The following RYR3 variants were observed in gnomAD, a reference collection of about 807,000 sequenced individuals.
The protein encoded by RYR3 is brain ryanodine receptor-calcium release channel.
Under a neutral mutation model 584.3 loss-of-function variants are expected in RYR3, and 207 were observed. The ratio of observed to expected loss-of-function variants is 0.35; its 90% CI spans 0.32 to 0.40. The LOEUF is 0.40. Among genes scored for constraint, RYR3 ranks in the 10% least tolerant of loss-of-function variants. The probability of loss-of-function intolerance (pLI) is 1.00; values close to 1 mark genes in which losing one functional copy is unlikely to be tolerated. For synonymous variants in RYR3, 2,416 were observed against 2,248.5 expected (o/e 1.07, Z -2.11); for missense variants, 5,616 against 6,089.2 (o/e 0.92, Z 2.59).
In RYR3 at chr15:33,413,584, G is replaced by A. The variant is rs529844809; in HGVS notation, c.52-59835G>A. Among the ~76,000 whole-genome samples the A allele has an allele frequency of 2.0e-5, 3 of 152,260 alleles. No homozygotes were observed. The South Asian group carries it at 6.2e-4, about 32-fold the overall frequency. ...TCATCTTCATGAAAAGAGATATGTG[G>A]TCTGCAGACTGACTTCTGATCTAGG... On this transcript the variant is annotated intron_variant, in intron 1 of 103. Coordinates refer to ENST00000634891, the MANE Select transcript of RYR3 (RefSeq NM_001036.6).
intron 73 of RYR3, 50 bp downstream of exon 73, chr15:33,813,044 A>G (rs766866481): frequency 1.2e-6 from 2 of 1,608,282 alleles, no homozygotes; most frequent in Admixed American, 3.4e-5. Flanking sequence ...ACCCTGGACC[A>G]TACAAAGCTC....
chr15:33,661,771 A>G (rs1185127404), intron 34 of RYR3, among the ~76,000 whole-genome samples: 1 of 152,220 alleles, frequency 6.6e-6, no homozygotes, highest in Non-Finnish European at 1.5e-5. Context: ...AGCATAATCT[A>G]CATTTTCTGA....
chr15:33,533,473 C>T, intron 5 of RYR3, 84 bp downstream of exon 5: 1 of 935,224 alleles, frequency 1.1e-6, no homozygotes, highest in East Asian at 2.7e-5. Flanking sequence ...ATGCGTTACT[C>T]ATTTGGGATT....
intron 67 of RYR3, among the ~76,000 whole-genome samples, chr15:33,796,197 C>T (rs981607576): frequency 9.2e-5 from 14 of 152,034 alleles, no homozygotes; most frequent in Admixed American, 3.9e-4. Flanking sequence ...TGCAGTGGCG[C>T]GATCTCTGCT....
chr15:33,684,251 C>T (rs1420144154), intron 38 of RYR3, among the ~76,000 whole-genome samples: 1 of 152,168 alleles, frequency 6.6e-6, no homozygotes, highest in Non-Finnish European at 1.5e-5. Flanking sequence ...ACACACACCT[C>T]ATATAGGCAG....
intron 51 of RYR3, among the ~76,000 whole-genome samples, chr15:33,740,466 A>G (rs2069971600): frequency 6.6e-6 from 1 of 152,158 alleles, no homozygotes; most frequent in Non-Finnish European, 1.5e-5. Context: ...GAAAAGCTGG[A>G]CCTGCTCTTT....
intron 38 of RYR3, among the ~76,000 whole-genome samples, chr15:33,685,454 T>C (rs574922737): frequency 6.6e-6 from 1 of 152,126 alleles, no homozygotes. Flanking sequence ...AGCAAGTCCT[T>C]AGAGACCTAC....
At chr15:33,795,675 T>G (rs2075569977) in intron 67 of RYR3, among the ~76,000 whole-genome samples, 1 of 152,084 alleles carries the variant, frequency 6.6e-6, no homozygotes, top group Non-Finnish European at 1.5e-5. Context: ...ATTACAGGTA[T>G]GCACCACGAC....
At chr15:33,507,666 TC>T (rs1244935566) in intron 3 of RYR3, among the ~76,000 whole-genome samples, 3 of 152,128 alleles carry the variant, frequency 2.0e-5, no homozygotes, top group African/African-American at 7.2e-5. Context: ...ATCCCCATCA[TC>T]CTACAGAAAT....
intron 32 of RYR3, among the ~76,000 whole-genome samples, chr15:33,654,894 T>C (rs1289816577): frequency 6.6e-6 from 1 of 152,228 alleles, no homozygotes; most frequent in Non-Finnish European, 1.5e-5. Flanking sequence ...GGCAGCCAGT[T>C]CTCTGGCCTG....
chr15:33,859,213 T>C (rs1264427387), intron 99 of RYR3: 2 of 195,820 alleles, frequency 1.0e-5, no homozygotes, highest in East Asian at 2.5e-4. Context: ...TTTTGCAGTT[T>C]ATAGCACAGC....
At chr15:33,864,895 C>CTTGT (rs1889935622) in intron 103 of RYR3, 2 of 468,310 alleles carry the variant, frequency 4.3e-6, no homozygotes, top group African/African-American at 1.9e-5. Flanking sequence ...TTCAGTTTTG[C>CTTGT]TTGTTTGGGG....
intron 1 of RYR3, among the ~76,000 whole-genome samples, chr15:33,456,381 G>T (rs1335585512): frequency 6.6e-6 from 1 of 152,190 alleles, no homozygotes; most frequent in Admixed American, 6.5e-5. Flanking sequence ...CGTGACACAG[G>T]AAGTTTTTTA....
intron 27 of RYR3, among the ~76,000 whole-genome samples, chr15:33,638,680 T>C (rs974937684): frequency 5.3e-5 from 8 of 152,166 alleles, no homozygotes; most frequent in Non-Finnish European, 1.2e-4. Flanking sequence ...CTAAAGCATA[T>C]GCAAATGTGA....
chr15:33,725,974 C>CCCCCCCG (rs1555427644), intron 45 of RYR3, among the ~76,000 whole-genome samples: 7 of 37,646 alleles, frequency 1.9e-4, no homozygotes, highest in African/African-American at 5.1e-4. Flanking sequence ...CATCCCCCCC[C>CCCCCCCG]CCAAAAAAAA....
intron 43 of RYR3, 59 bp downstream of exon 43, chr15:33,707,113 A>G: frequency 1.9e-6 from 3 of 1,585,340 alleles, no homozygotes; most frequent in East Asian, 2.2e-5. Context: ...GTGGATACCT[A>G]CAAGGAAAAG....
chr15:33,473,617 A>T, intron 2 of RYR3, 79 bp downstream of exon 2: 1 of 1,435,820 alleles, frequency 7.0e-7, no homozygotes, highest in Non-Finnish European at 9.7e-7. Flanking sequence ...CTGCTGGGAG[A>T]TGGTGATGAG....
intron 10 of RYR3, among the ~76,000 whole-genome samples, chr15:33,555,617 G>T (rs1199928568): frequency 6.6e-6 from 1 of 152,026 alleles, no homozygotes; most frequent in African/African-American, 2.4e-5. Flanking sequence ...AAAAAATAGA[G>T]ATTTAAAAAA....
intron 29 of RYR3, among the ~76,000 whole-genome samples, chr15:33,646,817 C>T (rs2062130676): frequency 6.6e-6 from 1 of 152,206 alleles, no homozygotes; most frequent in Non-Finnish European, 1.5e-5. Context: ...GCCCACAATT[C>T]CTGTGTTTTG....
Sources: allele counts gnomAD v4.1 joint callset (sites outside exome capture counted in the v4.1 genomes callset), GRCh38; gene constraint gnomAD v4.1.1; transcripts MANE v1.5; gene names NCBI Gene and HGNC (gene_info 2026-07-23, HGNC 2026-07-21).